CDC20B: variants seen among roughly 807,000 people sequenced by gnomAD.
CDC20B encodes cell division cycle 20B.
In CDC20B, 58 loss-of-function variants were observed where a neutral mutation model predicts 64.1. The ratio of observed to expected loss-of-function variants is 0.90; its 90% CI spans 0.73 to 1.13. The LOEUF is 1.13. CDC20B is among the 50% of genes most tolerant of loss of function. CDC20B has a pLI of 0.00. For synonymous variants in CDC20B, 243 were observed against 230.6 expected (o/e 1.05, Z -0.49); for missense variants, 597 against 633.0 (o/e 0.94, Z 0.61).
intron 2 of CDC20B, chr5:55,166,180 T>C (rs1487193828): frequency 6.6e-6 from 1 of 152,298 alleles, no homozygotes; most frequent in Non-Finnish European, 1.5e-5. Flanking sequence ...CAGAACTGCA[T>C]ATGCCAGCAC....
At chr5:55,130,815 T>C (rs1444240614) in intron 6 of CDC20B, among the ~76,000 whole-genome samples, 1 of 152,184 alleles carries the variant, frequency 6.6e-6, no homozygotes, top group African/African-American at 2.4e-5. Context: ...GTTTTCAGTG[T>C]ATGTAAATAT....
At chr5:55,123,675 G>T (rs977418423) in intron 9 of CDC20B, among the ~76,000 whole-genome samples, 12 of 152,194 alleles carry the variant, frequency 7.9e-5, no homozygotes, top group African/African-American at 2.4e-5. Context: ...CACTGCATCA[G>T]ATTTTTGACA....
At chr5:55,147,370 T>C in intron 2 of CDC20B, among the ~76,000 whole-genome samples, 1 of 142,870 alleles carries the variant, frequency 7.0e-6, no homozygotes, top group East Asian at 2.0e-4. Flanking sequence ...TAAACATAAG[T>C]ATGTTATGTT....
chr5:55,117,257 C>T (rs1044411662), intron 11 of CDC20B, among the ~76,000 whole-genome samples: 1 of 151,702 alleles, frequency 6.6e-6, no homozygotes, highest in South Asian at 2.1e-4. Context: ...TGAAATTTTC[C>T]CCCCAAAAAA....
chr5:55,147,077 T>A (rs1284551080), intron 2 of CDC20B, among the ~76,000 whole-genome samples: 2 of 146,498 alleles, frequency 1.4e-5, no homozygotes, highest in Non-Finnish European at 3.0e-5. Context: ...TTACATATTA[T>A]ATAAACATAA....
At chr5:55,164,223 G>A in intron 2 of CDC20B, 1 of 1,521,154 alleles carries the variant, frequency 6.6e-7, no homozygotes, top group Non-Finnish European at 8.9e-7. Flanking sequence ...CTATGAGAAT[G>A]CCATTGCGTT....
chr5:55,139,606 T>C (rs1211409545), intron 5 of CDC20B, among the ~76,000 whole-genome samples: 1 of 152,202 alleles, frequency 6.6e-6, no homozygotes, highest in Non-Finnish European at 1.5e-5. Flanking sequence ...AAAAGAAGCA[T>C]AATTATATTA....
chr5:55,144,401 A>T (rs1743416737), intron 3 of CDC20B, among the ~76,000 whole-genome samples: 1 of 152,176 alleles, frequency 6.6e-6, no homozygotes, highest in African/African-American at 2.4e-5. Context: ...CTGCCATATC[A>T]CTTGTTCATC....
chr5:55,123,009 A>G (rs1742795005), intron 9 of CDC20B, among the ~76,000 whole-genome samples: 1 of 152,274 alleles, frequency 6.6e-6, no homozygotes, highest in South Asian at 2.1e-4. Context: ...TTGCACAGCA[A>G]TAGATAACCA....
intron 6 of CDC20B, among the ~76,000 whole-genome samples, chr5:55,129,452 C>T (rs1285458430): frequency 1.3e-5 from 2 of 152,152 alleles, no homozygotes; most frequent in South Asian, 2.1e-4. Flanking sequence ...TGATGGAGTG[C>T]CAGCGAAGAC....
chr5:55,141,476 C>T (rs148425524), intron 4 of CDC20B, among the ~76,000 whole-genome samples: 25 of 152,316 alleles, frequency 1.6e-4, no homozygotes, highest in African/African-American at 5.3e-4. Flanking sequence ...GGTGTTATAA[C>T]TATAGTGGTG....
chr5:55,144,713 A>C (rs1219053411), intron 3 of CDC20B, among the ~76,000 whole-genome samples: 1 of 152,212 alleles, frequency 6.6e-6, no homozygotes, highest in Non-Finnish European at 1.5e-5. Context: ...CAGAACTTCA[A>C]ATGAGAAAGA....
rs1440729015 is a variant in CDC20B at position 55,133,502 on chromosome 5, A to T, written c.607T>A (p.Ser203Thr). ...TCACCAGAACTTTTAAGATGGAAGG[A>T]TTCATCTCTGACTCCATCTTTGCAG... is the stretch of plus-strand genomic sequence containing the variant. ...KGCKDGVRDE[S>T]FHLKSSGDIN... The change falls in exon 6 of 12, where the codon TCC (serine) becomes ACC (threonine). Residue 203 changes from serine to threonine, a missense_variant. Coordinates refer to ENST00000381375, the MANE Select transcript of CDC20B (RefSeq NM_001170402.1). 3.8e-6 allele frequency: 6 copies of T among 1,564,212 alleles called. No homozygotes were observed. The highest frequency in any genetic ancestry group is 1.3e-5 in the African/African-American group (1 of 74,378).
intron 11 of CDC20B, among the ~76,000 whole-genome samples, chr5:55,119,210 A>G (rs1742697258): frequency 6.6e-6 from 1 of 152,124 alleles, no homozygotes; most frequent in South Asian, 2.1e-4. Context: ...TGGGCTGGGT[A>G]GAGGAGATAC....
chr5:55,147,087 AAT>A (rs1280025996), intron 2 of CDC20B, among the ~76,000 whole-genome samples: 1 of 146,566 alleles, frequency 6.8e-6, no homozygotes, highest in Non-Finnish European at 1.5e-5. Flanking sequence ...TATAAACATA[AAT>A]ATGTTATGTT....
At chr5:55,162,951 CATT>C in intron 2 of CDC20B, among the ~76,000 whole-genome samples, 1 of 152,286 alleles carries the variant, frequency 6.6e-6, no homozygotes, top group East Asian at 1.9e-4. Flanking sequence ...CTCAACCACT[CATT>C]AGCCACGTGA....
intron 2 of CDC20B, among the ~76,000 whole-genome samples, chr5:55,168,073 T>C (rs888014186): frequency 3.3e-5 from 5 of 151,852 alleles, no homozygotes; most frequent in Admixed American, 6.6e-5. Flanking sequence ...CCATATTTAG[T>C]CCTCTGCTTG....
intron 2 of CDC20B, among the ~76,000 whole-genome samples, chr5:55,167,736 G>A (rs1231280310): frequency 6.6e-6 from 1 of 152,172 alleles, no homozygotes; most frequent in Non-Finnish European, 1.5e-5. Flanking sequence ...AGTGGCACAT[G>A]CCTCAGGTCC....
At position 55,153,830 on chromosome 5, in the gene CDC20B, T is replaced by C. The variant is rs539750193; in HGVS notation, c.127-6974A>G. On this transcript the variant is annotated intron_variant, in intron 2 of 11. Coordinates refer to ENST00000381375, the MANE Select transcript of CDC20B (RefSeq NM_001170402.1). ...AACAATATTCTTATTTAGATTTTTT[T>C]TCTTCATTGCACAGGCATAAGATGG... Among the ~76,000 whole-genome samples the C allele has an allele frequency of 2.0e-5, 3 of 152,358 alleles. No individual in the cohort carries two copies. In the South Asian group the frequency reaches 6.2e-4, roughly 32 times the overall value.
Sources: allele counts gnomAD v4.1 joint callset (sites outside exome capture counted in the v4.1 genomes callset), GRCh38; gene constraint gnomAD v4.1.1; transcripts MANE v1.5; gene names NCBI Gene and HGNC (gene_info 2026-07-23, HGNC 2026-07-21).